The following METTL8 variants were observed in gnomAD, a reference collection of about 807,000 sequenced individuals.
METTL8 encodes tRNA N(3)-cytidine methyltransferase METTL8, mitochondrial.
METTL8 carries 32 observed loss-of-function variants against 48.7 expected under a neutral mutation model. The ratio of observed to expected loss-of-function variants is 0.66; its 90% CI spans 0.50 to 0.88. The LOEUF is 0.88. Ranked by LOEUF, METTL8 falls within the 40% of genes least tolerant of loss-of-function variation. The pLI, the probability that METTL8 is intolerant of heterozygous loss-of-function variation, is 0.00. For missense variants in METTL8, 464 were observed against 474.4 expected, an observed-to-expected ratio of 0.98 and a Z score of 0.20; for synonymous variants, 136 against 157.1, an observed-to-expected ratio of 0.87 and a Z score of 1.01.
intron 1 of METTL8, among the ~76,000 whole-genome samples, chr2:171,426,104 C>T (rs560303825): frequency 6.6e-6 from 1 of 152,274 alleles, no homozygotes; most frequent in East Asian, 1.9e-4. Flanking sequence ...TTGCAGTGAG[C>T]TGAGATTGAG....
At chr2:171,351,431 G>A (rs1291983738) in intron 3 of METTL8, among the ~76,000 whole-genome samples, 1 of 152,190 alleles carries the variant, frequency 6.6e-6, no homozygotes, top group Non-Finnish European at 1.5e-5. Flanking sequence ...GCTTAGGATT[G>A]ACTTGGCAAT....
chr2:171,381,358 C>A (rs186407781), intron 2 of METTL8, among the ~76,000 whole-genome samples: 3 of 151,964 alleles, frequency 2.0e-5, no homozygotes, highest in Non-Finnish European at 4.4e-5. Context: ...AAAGACTTCA[C>A]GACAAAAACA....
At chr2:171,330,499 G>GA (rs1559049608) in intron 7 of METTL8, 60 bp downstream of exon 7, 1 of 1,522,362 alleles carries the variant, frequency 6.6e-7, no homozygotes, top group African/African-American at 1.4e-5. Context: ...TGATAGTTCT[G>GA]AAAACCACTA....
chr2:171,355,546 G>A (rs1575816168), intron 3 of METTL8, among the ~76,000 whole-genome samples: 1 of 152,332 alleles, frequency 6.6e-6, no homozygotes, highest in Non-Finnish European at 1.5e-5. Context: ...CTTTTGTTCA[G>A]CTATGCCCTG....
intron 5 of METTL8, among the ~76,000 whole-genome samples, chr2:171,333,880 G>T (rs879713055): frequency 1.3e-5 from 2 of 152,004 alleles, no homozygotes; most frequent in Non-Finnish European, 2.9e-5. Context: ...AGATAAACAT[G>T]GCATCTAAGA....
intron 7 of METTL8, among the ~76,000 whole-genome samples, chr2:171,329,586 A>G (rs1685313990): frequency 6.6e-6 from 1 of 152,256 alleles, no homozygotes; most frequent in African/African-American, 2.4e-5. Flanking sequence ...AAAACCTGAC[A>G]TACCTCACTA....
chr2:171,329,712 C>A (rs1487437794), intron 7 of METTL8, among the ~76,000 whole-genome samples: 2 of 152,134 alleles, frequency 1.3e-5, no homozygotes, highest in African/African-American at 4.8e-5. Flanking sequence ...TCCTAGTGGC[C>A]TTTTAATTGC....
intron 2 of METTL8, among the ~76,000 whole-genome samples, chr2:171,376,147 C>T (rs60100357): frequency 0.039 from 5,881 of 152,252 alleles, 363 homozygotes; most frequent in African/African-American, 0.13. Context: ...GTCATCTCTT[C>T]CAACTGGGCT....
chr2:171,418,359 C>T (rs910050686), intron 1 of METTL8, among the ~76,000 whole-genome samples: 1 of 152,146 alleles, frequency 6.6e-6, no homozygotes, highest in African/African-American at 2.4e-5. Flanking sequence ...GGTTTCTCCC[C>T]ACTGTTAAGG....
intron 2 of METTL8, among the ~76,000 whole-genome samples, chr2:171,384,675 T>A (rs1211469606): frequency 6.7e-6 from 1 of 149,274 alleles, no homozygotes; most frequent in African/African-American, 2.5e-5. Context: ...ACAAAAAAAA[T>A]AAAAAATTAG....
chr2:171,424,672 C>A (rs1365105117), intron 1 of METTL8, among the ~76,000 whole-genome samples: 2 of 152,144 alleles, frequency 1.3e-5, no homozygotes, highest in African/African-American at 4.8e-5. Flanking sequence ...AATGCCTGTA[C>A]CCCCATTGTA....
At chr2:171,421,961 T>G (rs1340910819) in intron 1 of METTL8, among the ~76,000 whole-genome samples, 1 of 152,200 alleles carries the variant, frequency 6.6e-6, no homozygotes, top group African/African-American at 2.4e-5. Context: ...AAAATTTCAA[T>G]AAGGCTTTTG....
chr2:171,342,976 G>C (rs1278567961), intron 3 of METTL8, among the ~76,000 whole-genome samples: 1 of 151,940 alleles, frequency 6.6e-6, no homozygotes, highest in African/African-American at 2.4e-5. Flanking sequence ...AATTCAAGAT[G>C]AGCCTGGACA....
chr2:171,425,810 G>A (rs899821332), intron 1 of METTL8, among the ~76,000 whole-genome samples: 12 of 152,176 alleles, frequency 7.9e-5, no homozygotes, highest in African/African-American at 2.2e-4. Context: ...ATTCTTTAAC[G>A]TGTGCCAGGA....
intron 1 of METTL8, among the ~76,000 whole-genome samples, chr2:171,394,195 C>T (rs1315397779): frequency 1.3e-5 from 2 of 152,154 alleles, no homozygotes; most frequent in Admixed American, 1.3e-4. Context: ...AGAGCTCTTT[C>T]TGCAGTGAAT....
intron 2 of METTL8, among the ~76,000 whole-genome samples, chr2:171,365,473 C>T (rs1006038271): frequency 5.3e-5 from 8 of 152,096 alleles, no homozygotes; most frequent in African/African-American, 7.2e-5. Context: ...GGGTGGAGGC[C>T]GAGAGCTCAG....
chr2:171,418,589 T>C (rs1035172459), intron 1 of METTL8, among the ~76,000 whole-genome samples: 8 of 152,202 alleles, frequency 5.3e-5, no homozygotes, highest in African/African-American at 1.7e-4. Context: ...TATGTTATAC[T>C]TCATGTTATA....
chr2:171,342,615 TA>T (rs35778397), intron 3 of METTL8, among the ~76,000 whole-genome samples: 42,916 of 147,456 alleles, frequency 0.29, 7,187 homozygotes, highest in East Asian at 0.65. Context: ...TCCTTTACCT[TA>T]AAAAAAAAAA....
intron 7 of METTL8, among the ~76,000 whole-genome samples, chr2:171,328,567 G>A (rs1685195741): frequency 6.6e-6 from 1 of 152,186 alleles, no homozygotes; most frequent in Non-Finnish European, 1.5e-5. Context: ...CTAGAGTACA[G>A]TGGCGTGATC....
Sources: gnomAD v4.1 joint callset for allele counts (sites outside exome capture counted in the v4.1 genomes callset) on GRCh38, gnomAD v4.1.1 for gene constraint, MANE v1.5 for transcripts, NCBI Gene and HGNC (gene_info 2026-07-23, HGNC 2026-07-21) for gene names.